The following EHBP1 variants were observed in gnomAD, a reference collection of about 807,000 sequenced individuals.
EHBP1 encodes EH domain-binding protein 1.
Under a neutral mutation model 144.0 loss-of-function variants are expected in EHBP1, and 55 were observed. The observed-to-expected ratio is 0.38, with a 90% CI of 0.31 to 0.48. The LOEUF (loss-of-function observed/expected upper bound fraction) is 0.48, where lower values mean the gene tolerates loss of function less well. Among genes scored for constraint, EHBP1 ranks in the 20% least tolerant of loss-of-function variants. The probability of loss-of-function intolerance (pLI) is 0.98; values close to 1 mark genes in which losing one functional copy is unlikely to be tolerated. For missense variants in EHBP1, 1,200 were observed against 1,364.2 expected (o/e 0.88, Z 1.90); for synonymous variants, 469 against 472.7 (o/e 0.99, Z 0.10).
chr2:62,725,770 A>G (rs181991504), intron 2 of EHBP1, among the ~76,000 whole-genome samples: 52 of 152,260 alleles, frequency 3.4e-4, no homozygotes, highest in African/African-American at 1.2e-3. Flanking sequence ...AAACTTGCCC[A>G]TGCACACACT....
At chr2:62,825,286 T>C (rs1266608010) in intron 5 of EHBP1, among the ~76,000 whole-genome samples, 1 of 152,126 alleles carries the variant, frequency 6.6e-6, no homozygotes, top group Non-Finnish European at 1.5e-5. Context: ...TCTCCTGTTT[T>C]CATTGTTCTC....
chr2:62,696,206 T>C (rs1045275417), intron 1 of EHBP1, among the ~76,000 whole-genome samples: 1 of 141,924 alleles, frequency 7.0e-6, no homozygotes, highest in African/African-American at 2.5e-5. Context: ...AGTCTCACTC[T>C]GTCACCCAGG....
At chr2:62,686,330 G>A (rs1349287527) in intron 1 of EHBP1, among the ~76,000 whole-genome samples, 1 of 152,136 alleles carries the variant, frequency 6.6e-6, no homozygotes, top group Non-Finnish European at 1.5e-5. Context: ...GCTATTGCTC[G>A]ACAAGTTAGT....
chr2:62,859,358 A>G, intron 8 of EHBP1, 67 bp downstream of exon 8: 1 of 1,450,056 alleles, frequency 6.9e-7, no homozygotes, highest in Non-Finnish European at 9.3e-7. Context: ...TAAGGGCAGG[A>G]AAATATTTTC....
intron 19 of EHBP1, among the ~76,000 whole-genome samples, chr2:63,033,640 T>A (rs2061349069): frequency 6.6e-6 from 1 of 152,168 alleles, no homozygotes; most frequent in Non-Finnish European, 1.5e-5. Context: ...TTTAAAACAT[T>A]CATAATTTCT....
chr2:62,961,570 A>G (rs2058002588), intron 14 of EHBP1, among the ~76,000 whole-genome samples: 1 of 152,142 alleles, frequency 6.6e-6, no homozygotes. Flanking sequence ...TTTAAGTACA[A>G]CTCAGGAGTT....
At chr2:62,927,444 A>T (rs2153028873) in intron 10 of EHBP1, among the ~76,000 whole-genome samples, 1 of 152,322 alleles carries the variant, frequency 6.6e-6, no homozygotes, top group Non-Finnish European at 1.5e-5. Context: ...CATTATATGT[A>T]TCAAAACATC....
At position 62,942,790 on chromosome 2, in the gene EHBP1, G is replaced by A. The variant is rs2056837227; in HGVS notation, c.1258G>A (p.Glu420Lys). The change falls in exon 11 of 23, where the codon GAA becomes AAA. Residue 420 changes from glutamate (E) to lysine (K), a missense_variant. By Grantham distance (56) the Glu-to-Lys change is moderately conservative (BLOSUM62 1). Transcript: ENST00000431489. ...TCAGTCTTTGCTTGTATGGTGTAAAGAAGTTACAAAGAACTACCGAGGAGT... is the reference window on the plus strand; with the variant it reads ...TCAGTCTTTGCTTGTATGGTGTAAAAAAGTTACAAAGAACTACCGAGGAGT... ...ASQSLLVWCK[E>K]VTKNYRGVKI... 5.6e-6 allele frequency: 9 copies of A among 1,613,834 alleles called. No individual in the cohort carries two copies. Among genetic ancestry groups the A allele is most frequent in the Non-Finnish European group, 6.8e-6 (8 of 1,179,856 alleles).
At chr2:62,915,700 T>C (rs1435784702) in intron 10 of EHBP1, among the ~76,000 whole-genome samples, 1 of 135,468 alleles carries the variant, frequency 7.4e-6, no homozygotes, top group Non-Finnish European at 1.6e-5. Flanking sequence ...AAAATAAATG[T>C]TTAAGGATTT....
intron 5 of EHBP1, among the ~76,000 whole-genome samples, chr2:62,808,127 TTCTCTGAGC>T (rs915816114): frequency 1.3e-5 from 2 of 151,656 alleles, no homozygotes; most frequent in African/African-American, 4.8e-5. Flanking sequence ...CTGCTTGGTG[TTCTCTGAGC>T]TCTCTAGATC....
intron 6 of EHBP1, 29 bp from the exon 7 acceptor site, chr2:62,830,990 A>G (rs774774998): frequency 2.2e-5 from 35 of 1,602,096 alleles, no homozygotes; most frequent in Middle Eastern, 1.7e-4. Context: ...ATTTAGTACA[A>G]TGTGTTATAT....
chr2:62,715,645 C>A (rs2035599064), intron 2 of EHBP1, among the ~76,000 whole-genome samples: 1 of 152,072 alleles, frequency 6.6e-6, no homozygotes, highest in South Asian at 2.1e-4. Flanking sequence ...AGGAATGGAC[C>A]TGACTTCCTC....
chr2:62,891,735 T>G (rs1224783844), intron 10 of EHBP1, among the ~76,000 whole-genome samples: 2 of 152,182 alleles, frequency 1.3e-5, no homozygotes, highest in African/African-American at 4.8e-5. Context: ...TAGCATCCTC[T>G]TCGCAGACTT....
At chr2:62,815,830 G>A (rs72888961) in intron 5 of EHBP1, among the ~76,000 whole-genome samples, 5,790 of 152,172 alleles carry the variant, frequency 0.038, 383 homozygotes, top group African/African-American at 0.13. Context: ...TTTTTTGGAG[G>A]TATTATATAC....
chr2:62,931,509 A>G (rs1054122536), intron 10 of EHBP1, among the ~76,000 whole-genome samples: 7 of 152,198 alleles, frequency 4.6e-5, no homozygotes. Flanking sequence ...TAGAGTTACC[A>G]TATGATTCAG....
chr2:62,859,669 C>T (rs563765336), intron 8 of EHBP1, among the ~76,000 whole-genome samples: 1 of 152,134 alleles, frequency 6.6e-6, no homozygotes, highest in African/African-American at 2.4e-5. Context: ...TCTCTCTAGC[C>T]GAGATTCTCT....
chr2:62,900,326 G>A (rs1049000585), intron 10 of EHBP1, among the ~76,000 whole-genome samples: 18 of 152,106 alleles, frequency 1.2e-4, no homozygotes, highest in African/African-American at 4.1e-4. Flanking sequence ...TTAAAATGGG[G>A]AAATGACCAG....
intron 10 of EHBP1, among the ~76,000 whole-genome samples, chr2:62,891,676 T>G (rs1244648906): frequency 6.6e-6 from 1 of 152,096 alleles, no homozygotes; most frequent in East Asian, 1.9e-4. Flanking sequence ...AGGATTAATA[T>G]ATATATTATA....
chr2:62,804,123 T>C (rs1375744957), intron 5 of EHBP1, among the ~76,000 whole-genome samples: 3 of 152,184 alleles, frequency 2.0e-5, no homozygotes, highest in Admixed American at 1.3e-4. Flanking sequence ...GCCTCAAAAA[T>C]GTAAAGATGT....
Sources: allele counts gnomAD v4.1 joint callset (sites outside exome capture counted in the v4.1 genomes callset), GRCh38; gene constraint gnomAD v4.1.1; transcripts MANE v1.5; gene names NCBI Gene and HGNC (gene_info 2026-07-23, HGNC 2026-07-21).